Variants in UQCRC2 observed in about 807,000 individuals in gnomAD.
UQCRC2 encodes cytochrome b-c1 complex subunit 2, mitochondrial.
Under a neutral mutation model 55.6 loss-of-function variants are expected in UQCRC2, and 49 were observed. That is an observed-to-expected ratio of 0.88 (90% CI 0.70 to 1.12). The LOEUF (loss-of-function observed/expected upper bound fraction) is 1.12. Ranked by LOEUF, UQCRC2 falls within the 50% of genes most tolerant of loss-of-function variation. UQCRC2 has a pLI of 0.00. For missense variants in UQCRC2, 506 were observed against 547.8 expected (o/e 0.92, Z 0.76); for synonymous variants, 193 against 192.0 (o/e 1.01, Z -0.04).
chr16:21,955,370 C>T (rs1433839326), intron 1 of UQCRC2, among the ~76,000 whole-genome samples: 1 of 152,172 alleles, frequency 6.6e-6, no homozygotes, highest in Non-Finnish European at 1.5e-5. Context: ...GTACAACAAA[C>T]AGCCTTCTGG....
chr16:21,969,792 C>G (rs7200959), intron 8 of UQCRC2, among the ~76,000 whole-genome samples: 17 of 151,864 alleles, frequency 1.1e-4, no homozygotes, highest in Middle Eastern at 3.4e-3. Context: ...ATCATCCCCC[C>G]AAAAGCCCCA....
At chr16:21,958,496 T>A (rs1469061389) in intron 3 of UQCRC2, 39 bp from the exon 4 acceptor site, 1 of 1,597,950 alleles carries the variant, frequency 6.3e-7, no homozygotes, top group Admixed American at 1.7e-5. Flanking sequence ...AAACTTGGCA[T>A]TGAAAAGCTA....
intron 7 of UQCRC2, among the ~76,000 whole-genome samples, chr16:21,966,651 T>TA (rs1289612593): frequency 1.3e-5 from 2 of 152,264 alleles, no homozygotes; most frequent in African/African-American, 2.4e-5. Context: ...CTTTCATTCA[T>TA]ATGGCACTTT....
chr16:21,981,291 G>A (rs1898721017), intron 13 of UQCRC2, among the ~76,000 whole-genome samples: 1 of 151,782 alleles, frequency 6.6e-6, no homozygotes, highest in Non-Finnish European at 1.5e-5. Context: ...GTACTTCTTT[G>A]TGTTCCCTGC....
At chr16:21,961,637 TATATA>T in intron 4 of UQCRC2, among the ~76,000 whole-genome samples, 1 of 49,886 alleles carries the variant, frequency 2.0e-5, no homozygotes, top group African/African-American at 2.2e-4. Context: ...TATATATATA[TATATA>T]TATATATATA....
At chr16:21,967,315 A>G (rs981247037) in intron 7 of UQCRC2, among the ~76,000 whole-genome samples, 1 of 152,234 alleles carries the variant, frequency 6.6e-6, no homozygotes, top group African/African-American at 2.4e-5. Flanking sequence ...GTGATTCTCA[A>G]AACGTTATCA....
At chr16:21,957,874 TC>T (rs1898116539) in intron 3 of UQCRC2, among the ~76,000 whole-genome samples, 1 of 152,230 alleles carries the variant, frequency 6.6e-6, no homozygotes, top group Admixed American at 6.5e-5. Context: ...CCCTTCATGT[TC>T]CTTGACCTGC....
intron 1 of UQCRC2, 29 bp downstream of exon 1, chr16:21,953,485 G>A: frequency 1.2e-6 from 2 of 1,610,754 alleles, no homozygotes; most frequent in Non-Finnish European, 1.7e-6. Context: ...TTTGGGAAAG[G>A]GCTGGGGAGC....
chr16:21,979,169 G>C (rs1253927797), intron 12 of UQCRC2, among the ~76,000 whole-genome samples: 3 of 152,162 alleles, frequency 2.0e-5, no homozygotes, highest in Non-Finnish European at 4.4e-5. Context: ...GTTGTCTGTG[G>C]TGACACCAAG....
Position 21,973,990 on chromosome 16 carries a change from T to C in UQCRC2, c.1047+14T>C, listed in dbSNP as rs774836160. ...GCTGCTGGAGATGTAAGTTGCAAAC[T>C]CACCAAACTTCTTTCATGAACAAGT... On this transcript the variant is annotated intron_variant, in intron 11 of 13. Coordinates refer to ENST00000268379, the MANE Select transcript of UQCRC2 (RefSeq NM_003366.4). The C allele has an allele frequency of 8.8e-6, 14 of 1,592,708 alleles. No individual in the cohort carries two copies. In the East Asian group the frequency reaches 2.7e-4, roughly 30 times the overall value.
rs756091952 is a variant in UQCRC2, at chr16:21,957,408, T to A, written c.118-9T>A. 1 of 1,614,036 alleles carries A rather than the reference T, an allele frequency of 6.2e-7. No individual in the cohort carries two copies. The highest frequency in any genetic ancestry group is 1.1e-5 in the South Asian group (1 of 91,068). ...CATTCATTATATCTCTACTTTATTT[T>A]AAATACAGTTTACCAAGTTACCAAA... On this transcript the variant is annotated splice_polypyrimidine_tract_variant and intron_variant, in intron 2 of 13. Transcript: ENST00000268379.
chr16:21,962,602 C>T (rs900840975), intron 5 of UQCRC2, 86 bp downstream of exon 5: 1 of 1,593,858 alleles, frequency 6.3e-7, no homozygotes. Flanking sequence ...GTCATTATGA[C>T]CTCTGACTTC....
intron 6 of UQCRC2, among the ~76,000 whole-genome samples, chr16:21,964,312 G>GA (rs777227218): frequency 6.6e-6 from 1 of 152,182 alleles, no homozygotes. Flanking sequence ...TATTCTGCCT[G>GA]AACAGTTACT....
rs1898785925 is a variant in UQCRC2 at position 21,983,405 on chromosome 16, T to C, written c.*234T>C. 1 of 483,734 alleles carries C rather than the reference T, an allele frequency of 2.1e-6. No individual in the cohort carries two copies. The highest frequency in any genetic ancestry group is 3.2e-5 in the East Asian group (1 of 30,956). 30.0% of individuals were successfully genotyped at this position (483,734 alleles called of 1,614,324 possible). A position where few individuals can be genotyped will look rare whatever the true frequency, so the allele number is the denominator to read the frequency against. The stretch of plus-strand genomic sequence containing the variant: ...TCAACAAGTATTTATTATGTGCTGA[T>C]ATCTTTGTTTTAGATGCTTTAAAGG... On this transcript the variant is annotated 3_prime_UTR_variant, in exon 14 of 14. Coordinates refer to ENST00000268379, the MANE Select transcript of UQCRC2 (RefSeq NM_003366.4).
chr16:21,971,461 A>T, intron 8 of UQCRC2, 64 bp from the exon 9 acceptor site: 1 of 1,357,200 alleles, frequency 7.4e-7, no homozygotes, highest in Non-Finnish European at 1.0e-6. Context: ...ACAAGGAAAA[A>T]ATATTTTACG....
intron 7 of UQCRC2, 134 bp from the exon 8 acceptor site, chr16:21,968,494 A>G (rs1434832525): frequency 4.9e-6 from 3 of 616,640 alleles, no homozygotes; most frequent in Non-Finnish European, 7.9e-6. Context: ...CACCTCAGTT[A>G]GTACCTTGTA....
At chr16:21,959,421 C>A in intron 4 of UQCRC2, 1 of 208,192 alleles carries the variant, frequency 4.8e-6, no homozygotes. Flanking sequence ...ATCTCCTCAT[C>A]TGTTCAAGCT....
At chr16:21,981,496 G>A (rs917596288) in intron 13 of UQCRC2, among the ~76,000 whole-genome samples, 9 of 152,144 alleles carry the variant, frequency 5.9e-5, no homozygotes, top group Non-Finnish European at 1.2e-4. Context: ...GCTCATTCCT[G>A]TAATCCCAGC....
intron 1 of UQCRC2, 103 bp downstream of exon 1, chr16:21,953,559 G>C: frequency 6.9e-7 from 1 of 1,448,830 alleles, no homozygotes; most frequent in Non-Finnish European, 9.3e-7. Flanking sequence ...TTGGGATTCG[G>C]TCTGCCCTTC....
Sources: gnomAD v4.1 joint callset for allele counts (sites outside exome capture counted in the v4.1 genomes callset) on GRCh38, gnomAD v4.1.1 for gene constraint, MANE v1.5 for transcripts, NCBI Gene and HGNC (gene_info 2026-07-23, HGNC 2026-07-21) for gene names.